LRRC66: variants seen among roughly 807,000 people sequenced by gnomAD.
LRRC66 encodes the protein leucine-rich repeat-containing protein 66.
In LRRC66, 29 loss-of-function variants were observed where a neutral mutation model predicts 24.6. The observed-to-expected ratio is 1.18, with a 90% CI of 0.88 to 1.61. The LOEUF (loss-of-function observed/expected upper bound fraction) is 1.61, where lower values mean the gene tolerates loss of function less well. Among genes scored for constraint, LRRC66 ranks in the 40% most tolerant of loss-of-function variants. LRRC66 has a pLI of 0.00. For missense variants in LRRC66, 1,124 were observed against 1,058.0 expected, an observed-to-expected ratio of 1.06 and a Z score of -0.87; for synonymous variants, 411 against 397.6, an observed-to-expected ratio of 1.03 and a Z score of -0.40.
chr4:52,004,138 G>T (rs1222536996), intron 2 of LRRC66, among the ~76,000 whole-genome samples: 2 of 152,100 alleles, frequency 1.3e-5, no homozygotes, highest in African/African-American at 4.8e-5. Flanking sequence ...GAGTGGCTGG[G>T]ATTACAGGCG....
chr4:52,008,366 C>T (rs912544671), intron 2 of LRRC66, among the ~76,000 whole-genome samples: 8 of 151,970 alleles, frequency 5.3e-5, no homozygotes, highest in Admixed American at 3.3e-4. Flanking sequence ...TATAATATGC[C>T]TGAAAAATCT....
Position 51,994,413 on chromosome 4 carries a change from G to T in LRRC66, c.2609C>A (p.Ala870Asp). The change falls in exon 5 of 5, where the codon GCC (alanine) becomes GAC (aspartate). Residue 870 changes from alanine to aspartate, a missense_variant. Coordinates refer to ENST00000682860, the MANE Select transcript of LRRC66 (RefSeq NM_001024611.3). ...AEVPSDPDKA[A>D]FHERDSDILK ...AATGTCTGAGTCTCTTTCATGGAAG[G>T]CAGCCTTATCAGGATCTGAGGGAAC... 6.2e-7 allele frequency: 1 copy of T among 1,613,122 alleles called. No individual in the cohort carries two copies. The highest frequency in any genetic ancestry group is 8.5e-7 in the Non-Finnish European group (1 of 1,179,732).
intron 3 of LRRC66, 77 bp downstream of exon 3, chr4:52,003,146 C>A: frequency 1.7e-6 from 2 of 1,192,462 alleles, no homozygotes; most frequent in Non-Finnish European, 2.4e-6. Context: ...TGAAGAAACT[C>A]TTCAATAGAA....
intron 3 of LRRC66, among the ~76,000 whole-genome samples, chr4:52,000,062 A>G (rs567025722): frequency 1.3e-5 from 2 of 152,312 alleles, no homozygotes; most frequent in Non-Finnish European, 2.9e-5. Context: ...ATCCATTGTG[A>G]TATTCAGCTT....
chr4:52,010,060 T>C (rs1464025212), intron 2 of LRRC66, among the ~76,000 whole-genome samples: 4 of 152,044 alleles, frequency 2.6e-5, no homozygotes, highest in Non-Finnish European at 5.9e-5. Flanking sequence ...TTCTCCAAAT[T>C]AACAGATTAA....
At chr4:52,011,360 T>C (rs1200822301) in intron 2 of LRRC66, among the ~76,000 whole-genome samples, 1 of 152,224 alleles carries the variant, frequency 6.6e-6, no homozygotes. Flanking sequence ...CTTTTTGTTT[T>C]AATTATCTTG....
Position 52,017,142 on chromosome 4 carries a change from T to C in LRRC66, c.472A>G (p.Asn158Asp). The change falls in exon 2 of 5, where the codon AAT (asparagine) becomes GAT (aspartate). Residue 158 changes from asparagine (N) to aspartate (D), a missense_variant. Asn to Asp is a conservative substitution (Grantham distance 23). Coordinates refer to ENST00000682860, the MANE Select transcript of LRRC66 (RefSeq NM_001024611.3). ...PLLKVLILQRNKLSDTPKGLW... is the reference protein window; with the variant it reads ...PLLKVLILQRDKLSDTPKGLW... ...CCCTTGGGAGTGTCACTGAGTTTAT[T>C]TCTTTGAAGAATGAGCACCTTCAGC... is the stretch of plus-strand genomic sequence containing the variant. The C allele has an allele frequency of 6.2e-7, 1 of 1,613,742 alleles. No homozygotes were observed. The highest frequency in any genetic ancestry group is 1.7e-5 in the Admixed American group (1 of 59,946).
intron 2 of LRRC66, among the ~76,000 whole-genome samples, chr4:52,012,371 G>A (rs1193608037): frequency 6.6e-6 from 1 of 152,078 alleles, no homozygotes; most frequent in Non-Finnish European, 1.5e-5. Context: ...TGAGAATAAA[G>A]ACCAGGAAGT....
In LRRC66 at chr4:51,995,545, C is replaced by T; in HGVS notation, c.1477G>A (p.Asp493Asn). The T allele has an allele frequency of 6.2e-7, 1 of 1,614,166 alleles. No individual in the cohort carries two copies. Among genetic ancestry groups the T allele is most frequent in the Non-Finnish European group, 8.5e-7 (1 of 1,180,034 alleles). ...GSSQSPGQCG[D>N]NTGAGSGNDG... is the part of the protein sequence containing the mutation. ...TTTCCACTTCCTGCCCCGGTGTTGTCCCCGCACTGTCCTGGGCTCTGCGAA... is the reference window on the plus strand; with the variant it reads ...TTTCCACTTCCTGCCCCGGTGTTGTTCCCGCACTGTCCTGGGCTCTGCGAA... The change falls in exon 5 of 5, where the codon GAC becomes AAC. Residue 493 changes from aspartate (D) to asparagine (N), a missense_variant. Physicochemically the swap from Asp to Asn is conservative, Grantham distance 23. Coordinates refer to ENST00000682860, the MANE Select transcript of LRRC66 (RefSeq NM_001024611.3).
Position 51,994,349 on chromosome 4 carries a change from A to C in LRRC66, c.*30T>G. ...TGATCTTTAAAAGAATATTGTTTAG[A>C]GCTGTGAATATTTCCTTAATGAAAG... On this transcript the variant is annotated 3_prime_UTR_variant, in exon 5 of 5. Transcript: ENST00000682860. 1 of 1,559,182 alleles carries C rather than the reference A, an allele frequency of 6.4e-7. No individual in the cohort carries two copies. The highest frequency in any genetic ancestry group is 1.4e-5 in the African/African-American group (1 of 73,240).
intron 2 of LRRC66, among the ~76,000 whole-genome samples, chr4:52,012,681 A>G (rs980143737): frequency 3.3e-5 from 5 of 152,284 alleles, no homozygotes; most frequent in Non-Finnish European, 7.4e-5. Flanking sequence ...TTATACTTCA[A>G]GAGAGGAGAG....
intron 2 of LRRC66, among the ~76,000 whole-genome samples, chr4:52,013,541 A>G (rs1736744473): frequency 6.6e-6 from 1 of 152,214 alleles, no homozygotes. Flanking sequence ...TTTTTCAATT[A>G]TGAATGCTGT....
chr4:52,010,445 T>C (rs1285543659), intron 2 of LRRC66, among the ~76,000 whole-genome samples: 4 of 152,174 alleles, frequency 2.6e-5, no homozygotes, highest in South Asian at 2.1e-4. Flanking sequence ...TAGTACTCAA[T>C]AGGTAGTTTT....
chr4:51,998,545 CAG>C (rs1474746489), intron 3 of LRRC66, among the ~76,000 whole-genome samples: 1 of 152,212 alleles, frequency 6.6e-6, no homozygotes, highest in Non-Finnish European at 1.5e-5. Flanking sequence ...CACCTGACCT[CAG>C]AGAGAGATCT....
intron 2 of LRRC66, among the ~76,000 whole-genome samples, chr4:52,004,786 T>C (rs1445501893): frequency 6.6e-6 from 1 of 152,222 alleles, no homozygotes; most frequent in Non-Finnish European, 1.5e-5. Flanking sequence ...AAGGTTGTCA[T>C]ATGTCCATTT....
intron 3 of LRRC66, among the ~76,000 whole-genome samples, chr4:52,002,329 C>T (rs889442165): frequency 6.6e-6 from 1 of 152,026 alleles, no homozygotes; most frequent in Non-Finnish European, 1.5e-5. Flanking sequence ...TGATGCTGGC[C>T]TATACAAAGA....
At chr4:52,015,266 G>A (rs1316703318) in intron 2 of LRRC66, among the ~76,000 whole-genome samples, 1 of 152,000 alleles carries the variant, frequency 6.6e-6, no homozygotes. Context: ...AAGTCTTTCT[G>A]GCTTTTGTTT....
Position 52,017,402 on chromosome 4 carries a change from A to T in LRRC66, c.212T>A (p.Phe71Tyr). The change falls in exon 2 of 5, where the codon TTC becomes TAC. Residue 71 changes from phenylalanine (F) to tyrosine (Y), a missense_variant. By Grantham distance (22) the Phe-to-Tyr change is conservative (BLOSUM62 3). Coordinates refer to ENST00000682860, the MANE Select transcript of LRRC66 (RefSeq NM_001024611.3). The part of the protein sequence containing the change: ...TAATVDVSFN[F>Y]FRVLLQSHTK... ...GTGAGACTGTAAGAGAACTCTAAAG[A>T]AATTGAAACTTACATCCACAGTGGC... The T allele has an allele frequency of 6.2e-7, 1 of 1,614,208 alleles. No individual in the cohort carries two copies. Among genetic ancestry groups the T allele is most frequent in the Non-Finnish European group, 8.5e-7 (1 of 1,180,032 alleles).
intron 2 of LRRC66, among the ~76,000 whole-genome samples, chr4:52,007,093 C>A: frequency 6.6e-6 from 1 of 152,126 alleles, no homozygotes; most frequent in East Asian, 1.9e-4. Flanking sequence ...TTGGGAGTTG[C>A]TTAGTTAATC....
Sources: allele counts gnomAD v4.1 joint callset (sites outside exome capture counted in the v4.1 genomes callset), GRCh38; gene constraint gnomAD v4.1.1; transcripts MANE v1.5; gene names NCBI Gene and HGNC (gene_info 2026-07-23, HGNC 2026-07-21).